SMG6: variants seen among roughly 807,000 people sequenced by gnomAD.
SMG6 encodes SMG6 nonsense mediated mRNA decay factor.
A neutral mutation model predicts 142.2 loss-of-function variants in SMG6; 66 were observed. The observed-to-expected ratio is 0.46, with a 90% confidence interval of 0.38 to 0.57. SMG6 has a LOEUF of 0.57. Among genes scored for constraint, SMG6 ranks in the 20% least tolerant of loss-of-function variants. The pLI is 0.00. For missense variants in SMG6, 1,793 were observed against 1,832.0 expected, an observed-to-expected ratio of 0.98 and a Z score of 0.39; for synonymous variants, 779 against 702.4, an observed-to-expected ratio of 1.11 and a Z score of -1.72.
At chr17:2,123,126 AC>A (rs1296699815) in intron 13 of SMG6, among the ~76,000 whole-genome samples, 3 of 147,872 alleles carry the variant, frequency 2.0e-5, no homozygotes. Flanking sequence ...GTATGAGGAA[AC>A]CCTGGCGTGT....
intron 13 of SMG6, among the ~76,000 whole-genome samples, chr17:2,092,108 C>T (rs1264672820): frequency 2.0e-5 from 3 of 152,202 alleles, no homozygotes; most frequent in East Asian, 3.9e-4. Context: ...GCCTCAGCCT[C>T]CTGAGTAGCT....
chr17:2,191,635 T>C (rs2072167365), intron 10 of SMG6, among the ~76,000 whole-genome samples: 1 of 152,206 alleles, frequency 6.6e-6, no homozygotes, highest in Non-Finnish European at 1.5e-5. Context: ...GACGGAAATA[T>C]TTCTTAATAA....
At chr17:2,179,582 GTT>G (rs35841700) in intron 12 of SMG6, among the ~76,000 whole-genome samples, 6 of 148,108 alleles carry the variant, frequency 4.1e-5, no homozygotes, top group African/African-American at 7.4e-5. Context: ...AATTTCTAGA[GTT>G]TTTTTTTTTT....
At chr17:2,105,075 C>A (rs1345336265) in intron 13 of SMG6, among the ~76,000 whole-genome samples, 1 of 149,410 alleles carries the variant, frequency 6.7e-6, no homozygotes, top group Non-Finnish European at 1.5e-5. Context: ...CACCACCACA[C>A]CCAGCTAATT....
At chr17:2,108,828 C>T (rs1415462427) in intron 13 of SMG6, among the ~76,000 whole-genome samples, 1 of 152,046 alleles carries the variant, frequency 6.6e-6, no homozygotes, top group African/African-American at 2.4e-5. Context: ...CCTGTAATCG[C>T]AGCTACTCGG....
chr17:2,101,648 C>T (rs1038667903), intron 13 of SMG6: 3 of 152,196 alleles, frequency 2.0e-5, no homozygotes, highest in African/African-American at 7.2e-5. Flanking sequence ...TGCTGCATGC[C>T]TCACTCACCC....
intron 10 of SMG6, among the ~76,000 whole-genome samples, chr17:2,222,942 C>G (rs1468488420): frequency 6.6e-6 from 1 of 152,162 alleles, no homozygotes; most frequent in Non-Finnish European, 1.5e-5. Flanking sequence ...GACATGAGTT[C>G]TGGGCATCAC....
intron 15 of SMG6, among the ~76,000 whole-genome samples, chr17:2,069,416 G>A (rs1033179454): frequency 2.0e-5 from 3 of 149,812 alleles, no homozygotes; most frequent in African/African-American, 7.4e-5. Context: ...GCAACATGCT[G>A]AAACCCCGTC....
chr17:2,300,226 C>G lies in SMG6; in HGVS notation c.527G>C (p.Arg176Thr). The G allele has an allele frequency of 6.2e-7, 1 of 1,614,200 alleles. No homozygotes were observed. ...EEVLNQVEQLRVEEDECRGNV... is the reference protein window; with the variant it reads ...EEVLNQVEQLTVEEDECRGNV... ...TCCCCTACACTCATCTTCCTCTACT[C>G]TCAGTTGTTCTACCTGGTTGAGGAC... The change falls in exon 2 of 19, where the codon AGA becomes ACA. Residue 176 changes from arginine (R) to threonine (T), a missense_variant. This residue lies in a region of SMG6 where 1,597 missense variants were observed against 1,584.6 expected (regional missense o/e 1.01). Transcript: ENST00000263073.
intron 12 of SMG6, chr17:2,173,181 T>C (rs758148948): frequency 2.8e-6 from 1 of 352,014 alleles, no homozygotes. Context: ...AGACGCTTAC[T>C]CAAACACTCT....
Position 2,236,492 on chromosome 17 carries a change from C to T in SMG6, c.2869G>A (p.Asp957Asn), listed in dbSNP as rs1474808572. 1.9e-6 allele frequency: 3 copies of T among 1,611,372 alleles called. No individual in the cohort carries two copies. The highest frequency in any genetic ancestry group is 2.2e-5 in the South Asian group (2 of 90,308). The change falls in exon 10 of 19, where the codon GAC becomes AAC. Residue 957 changes from aspartate to asparagine, a missense_variant and splice_region_variant. By Grantham distance (23) the Asp-to-Asn change is conservative. This residue lies in a region of SMG6 where 1,597 missense variants were observed against 1,584.6 expected (regional missense o/e 1.01). Coordinates refer to ENST00000263073, the MANE Select transcript of SMG6 (RefSeq NM_017575.5). The part of the protein sequence containing the change: ...MFAVHNSQLK[D>N]CFSEECRSVI... ...GATGAAGAAACTAAACATGCCTTAC[C>T]TTTCAGCTGGGAGTTGTGTACTGCA...
chr17:2,180,614 G>C (rs1037386505), intron 12 of SMG6, among the ~76,000 whole-genome samples: 5 of 152,174 alleles, frequency 3.3e-5, no homozygotes, highest in Non-Finnish European at 5.9e-5. Context: ...AGGAGCATGG[G>C]CAAAGAGGAG....
At chr17:2,264,199 A>G (rs2074374581) in intron 8 of SMG6, among the ~76,000 whole-genome samples, 1 of 152,094 alleles carries the variant, frequency 6.6e-6, no homozygotes, top group African/African-American at 2.4e-5. Flanking sequence ...ATCCTAAGGG[A>G]CGATTTATAG....
At chr17:2,189,544 A>C in intron 10 of SMG6, among the ~76,000 whole-genome samples, 1 of 151,920 alleles carries the variant, frequency 6.6e-6, no homozygotes, top group Non-Finnish European at 1.5e-5. Context: ...AATACAGGAG[A>C]ACTCTCAGAA....
chr17:2,239,119 A>G (rs1460282342), intron 9 of SMG6, among the ~76,000 whole-genome samples: 2 of 152,208 alleles, frequency 1.3e-5, no homozygotes, highest in African/African-American at 4.8e-5. Flanking sequence ...CTCTCTGAGA[A>G]ATAATCTTTG....
chr17:2,210,636 T>C (rs1597608422), intron 10 of SMG6, among the ~76,000 whole-genome samples: 2 of 151,796 alleles, frequency 1.3e-5, no homozygotes, highest in Non-Finnish European at 2.9e-5. Flanking sequence ...TTAATGCTGA[T>C]ATACTGGATG....
intron 6 of SMG6, among the ~76,000 whole-genome samples, 176 bp from the exon 7 acceptor site, chr17:2,283,911 G>A (rs1200191914): frequency 1.3e-5 from 2 of 152,070 alleles, no homozygotes; most frequent in African/African-American, 4.8e-5. Flanking sequence ...TTACATCACA[G>A]ATCTCTTCTT....
At chr17:2,180,731 C>T (rs563130321) in intron 12 of SMG6, among the ~76,000 whole-genome samples, 68 of 152,176 alleles carry the variant, frequency 4.5e-4, no homozygotes, top group African/African-American at 1.5e-3. Context: ...AAATTAAAGA[C>T]AGGGAGGGAA....
At chr17:2,160,135 C>G (rs2071130102) in intron 13 of SMG6, among the ~76,000 whole-genome samples, 1 of 151,894 alleles carries the variant, frequency 6.6e-6, no homozygotes, top group Non-Finnish European at 1.5e-5. Context: ...TATATACACC[C>G]ATACATTCAA....
Sources: allele counts gnomAD v4.1 joint callset (sites outside exome capture counted in the v4.1 genomes callset), GRCh38; gene constraint gnomAD v4.1.1; regional missense constraint gnomAD v4.1.1; transcripts MANE v1.5; gene names NCBI Gene and HGNC (gene_info 2026-07-23, HGNC 2026-07-21).